Variants in CACNG2 observed in about 807,000 individuals in gnomAD.
The protein encoded by CACNG2 is voltage-dependent calcium channel gamma-2 subunit.
Under a neutral mutation model 25.9 loss-of-function variants are expected in CACNG2, and 3 were observed. The ratio of observed to expected loss-of-function variants is 0.12; its 90% confidence interval spans 0.05 to 0.30. The LOEUF is 0.30. Among genes scored for constraint, CACNG2 ranks in the 10% least tolerant of loss-of-function variants. The probability of loss-of-function intolerance (pLI) is 1.00; values close to 1 mark genes in which losing one functional copy is unlikely to be tolerated. For synonymous variants in CACNG2, 167 were observed against 173.3 expected (o/e 0.96, Z 0.29); for missense variants, 341 against 432.5 (o/e 0.79, Z 1.88).
At chr22:36,661,999 A>G (rs1048338440) in intron 1 of CACNG2, among the ~76,000 whole-genome samples, 2 of 48,698 alleles carry the variant, frequency 4.1e-5, no homozygotes, top group African/African-American at 6.8e-5. Flanking sequence ...TTTTTTTTTC[A>G]GACGGAGTCT....
chr22:36,598,969 C>A (rs1935715925), intron 1 of CACNG2, among the ~76,000 whole-genome samples: 1 of 152,196 alleles, frequency 6.6e-6, no homozygotes, highest in Non-Finnish European at 1.5e-5. Context: ...CAGAGTGAGA[C>A]CCTGCCCCCA....
Position 36,564,643 on chromosome 22 carries a change from G to C in CACNG2, c.680C>G (p.Pro227Arg). The C allele has an allele frequency of 6.2e-7, 1 of 1,613,928 alleles. No homozygotes were observed. The highest frequency in any genetic ancestry group is 8.5e-7 in the Non-Finnish European group (1 of 1,179,990). ...GCGCTGGTAGCGGTAGCGGTAGCTG[G>C]GGATGCGGGTGATGGCAGAGGCCTG... ...YLQASAITRI[P>R]SYRYRYQRRS... Residue 227 changes from proline to arginine, a missense_variant, in exon 4 of 4, where the codon CCC (proline) becomes CGC (arginine). By Grantham distance (103) the Pro-to-Arg change is moderately radical. Coordinates refer to ENST00000300105, the MANE Select transcript of CACNG2 (RefSeq NM_006078.5). This position sits in a 1 kb window ranked among gnomAD's most constrained non-coding sequence, Gnocchi z 6.7.
chr22:36,573,438 C>A (rs995533804), intron 2 of CACNG2, among the ~76,000 whole-genome samples: 7 of 152,118 alleles, frequency 4.6e-5, no homozygotes, highest in Admixed American at 4.6e-4. Flanking sequence ...TTGAGTGATT[C>A]TTGTGTCTCA....
chr22:36,562,027 T>A lies in CACNG2; in HGVS notation c.*2324A>T, dbSNP rs1475507263. The A allele has an allele frequency of 6.6e-6, 1 of 152,296 alleles. No individual in the cohort carries two copies. Among genetic ancestry groups the A allele is most frequent in the East Asian group, 1.9e-4 (1 of 5,198 alleles). 9.4% of individuals were successfully genotyped at this position (152,296 alleles called of 1,614,324 possible). ...AGCTCTTCTCCCAAGGAAGCCTCTTTAACTCTCCATGATCGCAGCAAGGGG... is the reference window on the plus strand; with the variant it reads ...AGCTCTTCTCCCAAGGAAGCCTCTTAAACTCTCCATGATCGCAGCAAGGGG... On this transcript the variant is annotated 3_prime_UTR_variant, in exon 4 of 4. Coordinates refer to ENST00000300105, the MANE Select transcript of CACNG2 (RefSeq NM_006078.5).
rs1937120770 is a variant in CACNG2, at chr22:36,681,332, A to G, written c.211+21034T>C. ...CCTACCTGGTGATAGCATAAGGAAG[A>G]GCAACTACATGATTTTTTCTCTTTG... On this transcript the variant is annotated intron_variant, in intron 1 of 3. Transcript: ENST00000300105. 2.0e-5 allele frequency among the ~76,000 whole-genome samples: 3 copies of G among 152,180 alleles called. No individual in the cohort carries two copies. The South Asian group carries it at 6.2e-4, about 32-fold the overall frequency.
At chr22:36,661,537 G>A (rs896893452) in intron 1 of CACNG2, among the ~76,000 whole-genome samples, 1 of 152,204 alleles carries the variant, frequency 6.6e-6, no homozygotes, top group Non-Finnish European at 1.5e-5. Context: ...GTTCCTAAGA[G>A]CATCGAGCAT....
At chr22:36,645,777 T>TC (rs1324888479) in intron 1 of CACNG2, among the ~76,000 whole-genome samples, 1 of 152,230 alleles carries the variant, frequency 6.6e-6, no homozygotes, top group Admixed American at 6.5e-5. Context: ...ATAAAGGGTT[T>TC]CTTCTTTCAC....
intron 1 of CACNG2, among the ~76,000 whole-genome samples, chr22:36,610,908 TCCCCA>T (rs2145941140): frequency 6.6e-6 from 1 of 152,292 alleles, no homozygotes; most frequent in South Asian, 2.1e-4. Context: ...CCAAGGCTAC[TCCCCA>T]CCTCCCTACT....
chr22:36,563,116 T>G lies in CACNG2; in HGVS notation c.*1235A>C, dbSNP rs1208678953. Among the ~76,000 whole-genome samples, 1 of 152,114 alleles carries G rather than the reference T, an allele frequency of 6.6e-6. No individual in the cohort carries two copies. The highest frequency in any genetic ancestry group is 2.4e-5 in the African/African-American group (1 of 41,416). On this transcript the variant is annotated 3_prime_UTR_variant, in exon 4 of 4. Coordinates refer to ENST00000300105, the MANE Select transcript of CACNG2 (RefSeq NM_006078.5). ...ATTTACATTTATTTATAGTCTGTGG[T>G]TTTTTTATTAAAAAAAAATCACCAC...
At chr22:36,696,690 G>C (rs1032431096) in intron 1 of CACNG2, among the ~76,000 whole-genome samples, 8 of 152,176 alleles carry the variant, frequency 5.3e-5, no homozygotes, top group Admixed American at 2.6e-4. Flanking sequence ...CTACAAGGTG[G>C]TAAGTACTCT....
At chr22:36,572,340 C>T (rs1397912127) in intron 2 of CACNG2, among the ~76,000 whole-genome samples, 2 of 152,172 alleles carry the variant, frequency 1.3e-5, no homozygotes, top group Non-Finnish European at 2.9e-5. Context: ...CTTTGCTGGC[C>T]ATATGGTCTC....
chr22:36,610,598 G>C (rs929485737), intron 1 of CACNG2, among the ~76,000 whole-genome samples: 5 of 152,236 alleles, frequency 3.3e-5, no homozygotes, highest in East Asian at 1.9e-4. Flanking sequence ...AATCTTCACA[G>C]ATGAGGGGCA....
intron 2 of CACNG2, among the ~76,000 whole-genome samples, chr22:36,571,184 T>C (rs555477704): frequency 6.6e-6 from 1 of 152,158 alleles, no homozygotes; most frequent in East Asian, 1.9e-4. Context: ...CTGCCAGGCA[T>C]GGTGGCTCAT....
At chr22:36,610,087 C>T (rs1054820642) in intron 1 of CACNG2, among the ~76,000 whole-genome samples, 2 of 151,120 alleles carry the variant, frequency 1.3e-5, no homozygotes, top group South Asian at 4.2e-4. Flanking sequence ...AGGAATAAGT[C>T]CCCCAGTGTG....
chr22:36,700,969 ATGTAATCAT>A (rs1569056791), intron 1 of CACNG2, among the ~76,000 whole-genome samples: 1 of 152,078 alleles, frequency 6.6e-6, no homozygotes, highest in East Asian at 1.9e-4. Context: ...TCTTTCCCAG[ATGTAATCAT>A]TTCCGAAAGT....
At chr22:36,666,850 C>T (rs1440036163) in intron 1 of CACNG2, among the ~76,000 whole-genome samples, 1 of 152,160 alleles carries the variant, frequency 6.6e-6, no homozygotes, top group Non-Finnish European at 1.5e-5. Flanking sequence ...CTCTCTCCAT[C>T]CTGTCCCCCA....
At chr22:36,624,605 C>G (rs1377456481) in intron 1 of CACNG2, among the ~76,000 whole-genome samples, 1 of 152,160 alleles carries the variant, frequency 6.6e-6, no homozygotes, top group Non-Finnish European at 1.5e-5. Context: ...TTTCATCTTG[C>G]TGGCCCCCCT....
chr22:36,592,357 C>G (rs764680174), intron 1 of CACNG2, among the ~76,000 whole-genome samples: 1 of 151,412 alleles, frequency 6.6e-6, no homozygotes, highest in Non-Finnish European at 1.5e-5. Context: ...ACGTGGTAGC[C>G]AGAGAGTGGG....
intron 1 of CACNG2, among the ~76,000 whole-genome samples, chr22:36,663,177 G>A (rs557286142): frequency 6.6e-6 from 1 of 152,220 alleles, no homozygotes; most frequent in African/African-American, 2.4e-5. Flanking sequence ...TCTACGGGTG[G>A]GTGCCTGGTC....
Sources: gnomAD v4.1 joint callset for allele counts (sites outside exome capture counted in the v4.1 genomes callset) on GRCh38, gnomAD v4.1.1 for gene constraint, Gnocchi (gnomAD v3.1) non-coding constraint, MANE v1.5 for transcripts, NCBI Gene and HGNC (gene_info 2026-07-23, HGNC 2026-07-21) for gene names.